Variants in UTS2 observed in about 807,000 individuals in gnomAD.
The protein encoded by UTS2 is urotensin-2.
A neutral mutation model predicts 12.6 loss-of-function variants in UTS2; 10 were observed. The ratio of observed to expected loss-of-function variants is 0.80; its 90% CI spans 0.49 to 1.35. The LOEUF (loss-of-function observed/expected upper bound fraction) is 1.35, where lower values mean the gene tolerates loss of function less well. UTS2 is among the 40% of genes most tolerant of loss of function. The pLI is 0.00. For missense variants in UTS2, 142 were observed against 143.2 expected, an observed-to-expected ratio of 0.99 and a Z score of 0.04; for synonymous variants, 52 against 50.0, an observed-to-expected ratio of 1.04 and a Z score of -0.17.
the UTS2 span, among the ~76,000 whole-genome samples, chr1:7,904,882 T>G: frequency 8.6e-6 from 1 of 115,686 alleles, no homozygotes; most frequent in East Asian, 2.5e-4. Flanking sequence ...CCAGCTTGGG[T>G]GACAGAGTGA....
At chr1:7,884,924 A>G in the UTS2 span, among the ~76,000 whole-genome samples, 1 of 147,462 alleles carries the variant, frequency 6.8e-6, no homozygotes. Context: ...CCATTCATCC[A>G]TCCACTCACC....
the UTS2 span, among the ~76,000 whole-genome samples, chr1:7,898,413 A>T: frequency 6.6e-6 from 1 of 152,152 alleles, no homozygotes; most frequent in South Asian, 2.1e-4. Flanking sequence ...CAAGATGGAC[A>T]GAGAGAGAAG....
the UTS2 span, among the ~76,000 whole-genome samples, chr1:7,883,450 C>T: frequency 6.6e-6 from 1 of 152,120 alleles, no homozygotes; most frequent in South Asian, 2.1e-4. Context: ...GGAATAAGTT[C>T]CAGTGTTTGA....
chr1:7,862,613 A>G, the UTS2 span, among the ~76,000 whole-genome samples: 3 of 152,124 alleles, frequency 2.0e-5, no homozygotes, highest in African/African-American at 7.2e-5. Context: ...TGGTGTTTGC[A>G]GAGACCACAT....
At chr1:7,890,322 G>GT in the UTS2 span, among the ~76,000 whole-genome samples, 2 of 152,072 alleles carry the variant, frequency 1.3e-5, no homozygotes, top group Admixed American at 1.3e-4. Flanking sequence ...TAAGAGTCAG[G>GT]TTTTTCTCCG....
chr1:7,909,482 C>T, the UTS2 span, among the ~76,000 whole-genome samples: 3 of 143,272 alleles, frequency 2.1e-5, no homozygotes, highest in South Asian at 2.3e-4. Context: ...AGGTGGAGGT[C>T]GCAGTGAGCT....
chr1:7,869,333 C>A, the UTS2 span, among the ~76,000 whole-genome samples: 2 of 152,186 alleles, frequency 1.3e-5, no homozygotes, highest in Admixed American at 6.5e-5. Context: ...CAGCCCCCGG[C>A]GGCTGGGGTA....
the UTS2 span, among the ~76,000 whole-genome samples, chr1:7,908,357 T>C: frequency 6.8e-6 from 1 of 147,772 alleles, no homozygotes; most frequent in Non-Finnish European, 1.5e-5. Context: ...TCCCAGCTAC[T>C]TGGGAGGCTG....
chr1:7,871,677 A>G, the UTS2 span, among the ~76,000 whole-genome samples: 1 of 151,990 alleles, frequency 6.6e-6, no homozygotes, highest in African/African-American at 2.4e-5. Context: ...TCTGTGCCAC[A>G]TTTTCAGAAT....
chr1:7,890,016 G>A, the UTS2 span, among the ~76,000 whole-genome samples: 1 of 151,226 alleles, frequency 6.6e-6, no homozygotes, highest in Non-Finnish European at 1.5e-5. Flanking sequence ...GCAGTGAGTG[G>A]AGATCGCGCC....
chr1:7,897,501 T>C, the UTS2 span, among the ~76,000 whole-genome samples: 1 of 152,238 alleles, frequency 6.6e-6, no homozygotes, highest in Non-Finnish European at 1.5e-5. Flanking sequence ...GAGAAAGATA[T>C]CTTTACAATA....
chr1:7,889,260 C>CAAAA, the UTS2 span, among the ~76,000 whole-genome samples: 3 of 72,550 alleles, frequency 4.1e-5, no homozygotes, highest in South Asian at 6.0e-4. Flanking sequence ...CTCATTTCTA[C>CAAAA]AAAAAAAAAA....
intron 2 of UTS2, among the ~76,000 whole-genome samples, chr1:7,850,120 CCACCATGCCCGG>C (rs1257992726): frequency 1.3e-5 from 2 of 152,026 alleles, no homozygotes; most frequent in African/African-American, 4.8e-5. Flanking sequence ...CAGGTGCCCG[CCACCATGCCCGG>C]CTGATATTTG....
the UTS2 span, among the ~76,000 whole-genome samples, chr1:7,911,900 CAA>C: frequency 0.038 from 5,056 of 133,572 alleles, 278 homozygotes; most frequent in African/African-American, 0.13. Flanking sequence ...GACTCTGTCT[CAA>C]AAAAAAAAAA....
chr1:7,880,571 G>A, the UTS2 span, among the ~76,000 whole-genome samples: 1 of 152,094 alleles, frequency 6.6e-6, no homozygotes, highest in Non-Finnish European at 1.5e-5. Context: ...TAGAGAAAAT[G>A]GATAAATTAT....
At chr1:7,853,228 T>G, upstream of UTS2, 1 of 1,585,054 alleles carries the variant, frequency 6.3e-7, no homozygotes, top group Non-Finnish European at 8.6e-7. Context: ...ATAAATTAAC[T>G]GTCTTGTTGC....
At chr1:7,863,060 ATTGTATTGTATT>A in the UTS2 span, among the ~76,000 whole-genome samples, 6 of 82,576 alleles carry the variant, frequency 7.3e-5, no homozygotes, top group South Asian at 1.4e-3. Flanking sequence ...ATTGTATTGT[ATTGTATTGTATT>A]GTATTGTATT....
the UTS2 span, among the ~76,000 whole-genome samples, chr1:7,875,915 C>T: frequency 6.6e-6 from 1 of 152,146 alleles, no homozygotes. Context: ...ATCGCTGGCA[C>T]CCATGCATGC....
the UTS2 span, among the ~76,000 whole-genome samples, chr1:7,912,508 C>T: frequency 2.6e-5 from 4 of 152,138 alleles, no homozygotes; most frequent in Non-Finnish European, 5.9e-5. Context: ...TGCTGGAGTG[C>T]AGTGTCATGA....
Sources: allele counts gnomAD v4.1 joint callset (sites outside exome capture counted in the v4.1 genomes callset), GRCh38; gene constraint gnomAD v4.1.1; transcripts MANE v1.5; gene names NCBI Gene and HGNC (gene_info 2026-07-23, HGNC 2026-07-21).